Variants in IL6R observed in about 807,000 individuals in gnomAD.
IL6R encodes interleukin 6 receptor, also known as interleukin-6 receptor subunit alpha.
Under a neutral mutation model 48.3 loss-of-function variants are expected in IL6R, and 38 were observed. That is an observed-to-expected ratio of 0.79 (90% CI 0.61 to 1.03). IL6R has a LOEUF of 1.03. Ranked by LOEUF, IL6R falls within the 50% of genes least tolerant of loss-of-function variation. IL6R has a pLI of 0.00. For synonymous variants in IL6R, 264 were observed against 256.2 expected, an observed-to-expected ratio of 1.03 and a Z score of -0.29; for missense variants, 534 against 618.3, an observed-to-expected ratio of 0.86 and a Z score of 1.45.
intron 1 of IL6R, among the ~76,000 whole-genome samples, chr1:154,416,501 C>T (rs1688362295): frequency 6.6e-6 from 1 of 152,044 alleles, no homozygotes. Flanking sequence ...GCCGAGTCTT[C>T]CTATCTCTTG....
At chr1:154,445,914 C>T (rs1690201420) in intron 6 of IL6R, among the ~76,000 whole-genome samples, 1 of 151,978 alleles carries the variant, frequency 6.6e-6, no homozygotes, top group Non-Finnish European at 1.5e-5. Flanking sequence ...TTTAGGGCTG[C>T]CCCATCTTCT....
At chr1:154,426,922 T>TTG (rs1450264030) in intron 1 of IL6R, among the ~76,000 whole-genome samples, 3 of 151,588 alleles carry the variant, frequency 2.0e-5, no homozygotes, top group African/African-American at 7.3e-5. Flanking sequence ...ACTCAGAATT[T>TTG]TTTTTTTTTT....
In IL6R at chr1:154,454,600, G is replaced by C; in HGVS notation, c.1160+19G>C. 6.5e-7 allele frequency: 1 copy of C among 1,542,536 alleles called. No homozygotes were observed. The highest frequency in any genetic ancestry group is 9.0e-7 in the Non-Finnish European group (1 of 1,114,824). On this transcript the variant is annotated intron_variant, in intron 9 of 9. Transcript: ENST00000368485. ...TTCTGAGGTGAGATGGGTCCCAGGG[G>C]ATGGCCCTGTGGTGTTCTCATATTT...
chr1:154,442,479 C>T lies in IL6R; in HGVS notation c.950-5646C>T, dbSNP rs963899043. On this transcript the variant is annotated intron_variant, in intron 6 of 9. Transcript: ENST00000368485. ...TGGTCTGAGTGGGACAGGTGGAGGCCGGCCTTGGTGGGCCCCTGTAGGAGT... is the reference window on the plus strand; with the variant it reads ...TGGTCTGAGTGGGACAGGTGGAGGCTGGCCTTGGTGGGCCCCTGTAGGAGT... Among the ~76,000 whole-genome samples the T allele has an allele frequency of 3.9e-5, 6 of 152,152 alleles. No individual in the cohort carries two copies. The South Asian group carries it at 1.0e-3, about 26-fold the overall frequency.
intron 1 of IL6R, among the ~76,000 whole-genome samples, chr1:154,424,921 C>A (rs1688879194): frequency 6.6e-6 from 1 of 152,124 alleles, no homozygotes; most frequent in Non-Finnish European, 1.5e-5. Flanking sequence ...AATTCCTGTC[C>A]CTTTTAAGGG....
In IL6R at chr1:154,435,027, C is replaced by T. The variant is rs1264409962; in HGVS notation, c.678C>T (p.Ala226=). 6 of 1,614,146 alleles carry T rather than the reference C, an allele frequency of 3.7e-6. No homozygotes were observed. Among genetic ancestry groups the T allele is most frequent in the East Asian group, 2.2e-5 (1 of 44,892 alleles). Reference sequence around the variant, plus strand: ...CGCCTGCCAACATCACAGTCACTGCCGTGGCCAGAAACCCCCGCTGGCTCA... The same window carrying T: ...CGCCTGCCAACATCACAGTCACTGCTGTGGCCAGAAACCCCCGCTGGCTCA... ...PDPPANITVT[A]VARNPRWLSV... The change falls in exon 5 of 10, where the codon GCC becomes GCT. Residue 226 remains alanine (A), a synonymous_variant. Transcript: ENST00000368485.
intron 1 of IL6R, among the ~76,000 whole-genome samples, chr1:154,411,365 G>A (rs531464286): frequency 1.3e-5 from 2 of 152,228 alleles, no homozygotes; most frequent in South Asian, 4.2e-4. Flanking sequence ...TGGCCGCAAC[G>A]AGACAATCAA....
intron 6 of IL6R, chr1:154,437,307 C>T: frequency 4.6e-6 from 1 of 216,310 alleles, no homozygotes; most frequent in East Asian, 1.2e-4. Context: ...CCGTGTTAGC[C>T]AGGATGGTCT....
At chr1:154,410,120 G>A (rs1291367292) in intron 1 of IL6R, among the ~76,000 whole-genome samples, 1 of 152,146 alleles carries the variant, frequency 6.6e-6, no homozygotes, top group Non-Finnish European at 1.5e-5. Context: ...TATCTCTGGG[G>A]TAACAAGTCC....
chr1:154,464,895 G>C (rs1691468004), intron 9 of IL6R, among the ~76,000 whole-genome samples: 4 of 152,162 alleles, frequency 2.6e-5, no homozygotes. Context: ...AGGAGGTTGA[G>C]GCTGCTGTGA....
intron 9 of IL6R, among the ~76,000 whole-genome samples, chr1:154,461,061 TC>T (rs1691232616): frequency 1.3e-5 from 2 of 152,148 alleles, no homozygotes; most frequent in Admixed American, 1.3e-4. Flanking sequence ...GATTACAGGA[TC>T]GGGGGCCCTT....
intron 1 of IL6R, among the ~76,000 whole-genome samples, chr1:154,419,019 G>A (rs1334559389): frequency 1.3e-5 from 2 of 152,134 alleles, no homozygotes; most frequent in African/African-American, 4.8e-5. Context: ...GGAGCCCAGA[G>A]AAGGGAGCTG....
chr1:154,423,559 T>G (rs1238755045), intron 1 of IL6R, among the ~76,000 whole-genome samples: 1 of 152,068 alleles, frequency 6.6e-6, no homozygotes, highest in African/African-American at 2.4e-5. Flanking sequence ...CCACTCTGAC[T>G]TTAGCAAGTA....
In IL6R at chr1:154,405,717, A is replaced by G; in HGVS notation, c.85+3A>G. The G allele has an allele frequency of 6.7e-7, 1 of 1,499,402 alleles. No individual in the cohort carries two copies. Among genetic ancestry groups the G allele is most frequent in the African/African-American group, 1.4e-5 (1 of 70,242 alleles). 92.9% of individuals were successfully genotyped at this position (1,499,402 alleles called of 1,614,324 possible). A position where few individuals can be genotyped will look rare whatever the true frequency, so the allele number is the denominator to read the frequency against. On this transcript the variant is annotated splice_donor_region_variant and intron_variant, in intron 1 of 9. Coordinates refer to ENST00000368485, the MANE Select transcript of IL6R (RefSeq NM_000565.4). The surrounding 1 kb of genome is among the most constrained non-coding windows in gnomAD (Gnocchi z 5.2). ...CCCAAGGCGCTGCCCTGCGCAGGGTAAGGGCTTCGGGCGCACCTGGAGGGC... is the reference window on the plus strand; with the variant it reads ...CCCAAGGCGCTGCCCTGCGCAGGGTGAGGGCTTCGGGCGCACCTGGAGGGC...
intron 1 of IL6R, among the ~76,000 whole-genome samples, chr1:154,418,793 G>A (rs917392121): frequency 6.6e-6 from 1 of 152,146 alleles, no homozygotes; most frequent in Non-Finnish European, 1.5e-5. Context: ...TGCGGCTGTG[G>A]GGGAAGGGAG....
intron 6 of IL6R, among the ~76,000 whole-genome samples, chr1:154,447,488 C>CACAT (rs1690312646): frequency 9.7e-6 from 1 of 103,076 alleles, no homozygotes; most frequent in Non-Finnish European, 1.9e-5. Context: ...CACACACACA[C>CACAT]ACACACACAC....
intron 8 of IL6R, among the ~76,000 whole-genome samples, chr1:154,451,300 C>G (rs1000385580): frequency 2.0e-5 from 3 of 152,030 alleles, no homozygotes; most frequent in African/African-American, 7.2e-5. Flanking sequence ...GGAGAATCAC[C>G]TGAGGTCAGG....
chr1:154,442,487 G>GT (rs1223753647), intron 6 of IL6R, among the ~76,000 whole-genome samples: 2 of 152,182 alleles, frequency 1.3e-5, no homozygotes, highest in Non-Finnish European at 2.9e-5. Flanking sequence ...GCCGGCCTTG[G>GT]TGGGCCCCTG....
At chr1:154,419,734 G>T (rs1688542077) in intron 1 of IL6R, among the ~76,000 whole-genome samples, 1 of 152,224 alleles carries the variant, frequency 6.6e-6, no homozygotes, top group Non-Finnish European at 1.5e-5. Context: ...ACTTGTTTTT[G>T]CTGGCAAGAG....
Sources: allele counts gnomAD v4.1 joint callset (sites outside exome capture counted in the v4.1 genomes callset), GRCh38; gene constraint gnomAD v4.1.1; non-coding constraint Gnocchi (gnomAD v3.1); transcripts MANE v1.5; gene names NCBI Gene and HGNC (gene_info 2026-07-23, HGNC 2026-07-21).